MINDY2: variants seen among roughly 807,000 people sequenced by gnomAD.
MINDY2 encodes ubiquitin carboxyl-terminal hydrolase MINDY-2.
Under a neutral mutation model 68.2 loss-of-function variants are expected in MINDY2, and 52 were observed. The observed-to-expected ratio is 0.76, with a 90% CI of 0.61 to 0.96. The LOEUF (loss-of-function observed/expected upper bound fraction) is 0.96, where lower values mean the gene tolerates loss of function less well. Ranked by LOEUF, MINDY2 falls within the 40% of genes least tolerant of loss-of-function variation. The pLI is 0.00. For synonymous variants in MINDY2, 372 were observed against 303.0 expected, an observed-to-expected ratio of 1.23 and a Z score of -2.36; for missense variants, 881 against 773.4, an observed-to-expected ratio of 1.14 and a Z score of -1.65.
chr15:58,802,242 T>A, intron 2 of MINDY2, 71 bp from the exon 3 acceptor site: 2 of 966,180 alleles, frequency 2.1e-6, no homozygotes. Context: ...ATAATTAAGA[T>A]CTATTACTTT....
At chr15:58,809,377 TC>T (rs1266075797) in intron 3 of MINDY2, among the ~76,000 whole-genome samples, 2 of 152,150 alleles carry the variant, frequency 1.3e-5, no homozygotes, top group African/African-American at 4.8e-5. Flanking sequence ...TCCTCAAGGT[TC>T]ATCTGGTTGT....
intron 5 of MINDY2, among the ~76,000 whole-genome samples, chr15:58,826,956 G>A (rs57308436): frequency 0.025 from 3,522 of 143,486 alleles, 111 homozygotes; most frequent in African/African-American, 0.079. Flanking sequence ...CTTTTTTGTC[G>A]TTTATGACAT....
chr15:58,798,217 A>G (rs1902407456), intron 2 of MINDY2, among the ~76,000 whole-genome samples: 1 of 152,030 alleles, frequency 6.6e-6, no homozygotes, highest in South Asian at 2.1e-4. Flanking sequence ...CCAAAGCTCA[A>G]GCAATTCTCC....
intron 3 of MINDY2, 115 bp from the exon 4 acceptor site, chr15:58,810,110 GTTGAA>G (rs1461154568): frequency 4.4e-6 from 4 of 916,660 alleles, no homozygotes; most frequent in Non-Finnish European, 6.6e-6. Flanking sequence ...ATAAAAATAT[GTTGAA>G]TTGAATTTAT....
Position 58,847,396 on chromosome 15 carries a change from G to A in MINDY2, c.1468G>A (p.Asp490Asn). 2 of 1,608,654 alleles carry A rather than the reference G, an allele frequency of 1.2e-6. No individual in the cohort carries two copies. The highest frequency in any genetic ancestry group is 1.7e-6 in the Non-Finnish European group (2 of 1,176,030). Residue 490 changes from aspartate to asparagine, a missense_variant, in exon 7 of 9, where the codon GAC becomes AAC. Transcript: ENST00000559228. ...HNVDGDGNFC[D>N]SEFHLRPPSD... is the part of the protein sequence containing the mutation. ...CGTAGATGGTGATGGAAATTTCTGT[G>A]ACTCAGAATTTCATCTTCGACCTCC... is the stretch of plus-strand genomic sequence containing the variant.
At chr15:58,804,860 G>C (rs1239521269) in intron 3 of MINDY2, among the ~76,000 whole-genome samples, 1 of 151,978 alleles carries the variant, frequency 6.6e-6, no homozygotes, top group African/African-American at 2.4e-5. Context: ...AGTTACAGTG[G>C]TTCACAGCTG....
At chr15:58,797,827 G>T (rs968332404) in intron 2 of MINDY2, among the ~76,000 whole-genome samples, 5 of 152,154 alleles carry the variant, frequency 3.3e-5, no homozygotes, top group Non-Finnish European at 7.4e-5. Context: ...AGATACAGTT[G>T]TGGTGGCAGA....
chr15:58,803,140 G>A (rs1416269323), intron 3 of MINDY2, among the ~76,000 whole-genome samples: 1 of 152,122 alleles, frequency 6.6e-6, no homozygotes, highest in Non-Finnish European at 1.5e-5. Flanking sequence ...TGAATTTAAT[G>A]TTCAGATAAT....
chr15:58,854,804 G>T lies in MINDY2; in HGVS notation c.*194G>T. 2 of 440,582 alleles carry T rather than the reference G, an allele frequency of 4.5e-6. No homozygotes were observed. Among genetic ancestry groups the T allele is most frequent in the East Asian group, 4.3e-5 (1 of 23,478 alleles). 27.3% of individuals were successfully genotyped at this position (440,582 alleles called of 1,614,324 possible). On this transcript the variant is annotated 3_prime_UTR_variant, in exon 9 of 9. Transcript: ENST00000559228. Reference sequence around the variant, plus strand: ...CACAATACACTCTTTATGAGCTGGAGTTTCATGTTACAAGTTGGAAATGCT... The same window carrying T: ...CACAATACACTCTTTATGAGCTGGATTTTCATGTTACAAGTTGGAAATGCT...
intron 4 of MINDY2, chr15:58,815,355 T>C (rs1197111795): frequency 6.6e-6 from 1 of 152,122 alleles, no homozygotes; most frequent in Non-Finnish European, 1.5e-5. Flanking sequence ...TTTGTTTTTG[T>C]TTTTTGTTTT....
intron 2 of MINDY2, among the ~76,000 whole-genome samples, chr15:58,792,404 G>C (rs920854640): frequency 6.6e-6 from 1 of 152,310 alleles, no homozygotes. Context: ...TCAAGAGTTT[G>C]AGACCAGCCT....
At position 58,854,617 on chromosome 15, in the gene MINDY2, T is replaced by C. The variant is rs2032997067; in HGVS notation, c.*7T>C. On this transcript the variant is annotated 3_prime_UTR_variant, in exon 9 of 9. Coordinates refer to ENST00000559228, the MANE Select transcript of MINDY2 (RefSeq NM_001040450.3). ...TAGCTGTGTTATTTTGTAACAAGTG[T>C]TGGCTTCTGTTGGAACCACCTATAT... is the stretch of plus-strand genomic sequence containing the variant. 2 of 1,601,976 alleles carry C rather than the reference T, an allele frequency of 1.2e-6. No homozygotes were observed. The highest frequency in any genetic ancestry group is 1.7e-6 in the Non-Finnish European group (2 of 1,178,812).
chr15:58,855,713 G>A lies in MINDY2; in HGVS notation c.*1103G>A, dbSNP rs1467326823. 2 of 152,360 alleles carry A rather than the reference G, an allele frequency of 1.3e-5. No individual in the cohort carries two copies. Among genetic ancestry groups the A allele is most frequent in the Non-Finnish European group, 2.9e-5 (2 of 68,074 alleles). The allele number at this position is 152,360 out of a possible 1,614,324, so 9.4% of individuals were successfully genotyped here. On this transcript the variant is annotated 3_prime_UTR_variant, in exon 9 of 9. Coordinates refer to ENST00000559228, the MANE Select transcript of MINDY2 (RefSeq NM_001040450.3). Reference sequence around the variant, plus strand: ...AGGTGGGCGGATCATCTGAGGCCAGGAGTTCGAGACCAGCCTGGCCAGCAT... The same window carrying A: ...AGGTGGGCGGATCATCTGAGGCCAGAAGTTCGAGACCAGCCTGGCCAGCAT...
At position 58,861,794 on chromosome 15, in the gene MINDY2, G is replaced by A. The variant is rs1322594196; in HGVS notation, c.*7184G>A. The A allele has an allele frequency of 6.6e-6, 1 of 152,066 alleles. No homozygotes were observed. Among genetic ancestry groups the A allele is most frequent in the Non-Finnish European group, 1.5e-5 (1 of 68,032 alleles). 9.4% of individuals were successfully genotyped at this position (152,066 alleles called of 1,614,324 possible). On this transcript the variant is annotated 3_prime_UTR_variant, in exon 9 of 9. Transcript: ENST00000559228. ...AGTGTCATTGTTGGGTTAAAATGTT[G>A]GCTGTTTTTGTTAATATACTTAAAA... is the stretch of plus-strand genomic sequence containing the variant.
intron 3 of MINDY2, among the ~76,000 whole-genome samples, chr15:58,805,811 C>T (rs1902967302): frequency 6.6e-6 from 1 of 152,188 alleles, no homozygotes; most frequent in South Asian, 2.1e-4. Context: ...CACAGTGGCA[C>T]ATGCCTGTAA....
rs2033027686 is a variant in MINDY2 at position 58,855,432 on chromosome 15, C to G, written c.*822C>G. On this transcript the variant is annotated 3_prime_UTR_variant, in exon 9 of 9. Transcript: ENST00000559228. ...TGTATGGAGGAAAGCACAGTGGATG[C>G]TAGGCTTTGTAAATATGGGGATGTA... The G allele has an allele frequency of 6.6e-6, 1 of 152,558 alleles. No individual in the cohort carries two copies. Among genetic ancestry groups the G allele is most frequent in the Non-Finnish European group, 1.5e-5 (1 of 68,024 alleles). 9.5% of individuals were successfully genotyped at this position (152,558 alleles called of 1,614,324 possible). A position where few individuals can be genotyped will look rare whatever the true frequency, so the allele number is the denominator to read the frequency against.
At chr15:58,779,658 T>G (rs1192341291) in intron 1 of MINDY2, among the ~76,000 whole-genome samples, 2 of 152,194 alleles carry the variant, frequency 1.3e-5, no homozygotes, top group African/African-American at 4.8e-5. Context: ...CTTCACACAA[T>G]TGTGGGGTTT....
intron 5 of MINDY2, among the ~76,000 whole-genome samples, chr15:58,823,640 G>A (rs1271965080): frequency 6.6e-5 from 10 of 151,460 alleles, no homozygotes; most frequent in African/African-American, 2.4e-4. Context: ...ACTCCAGCCT[G>A]GGCAACAGAA....
In MINDY2 at chr15:58,771,682, C is replaced by A; in HGVS notation, c.287C>A (p.Ala96Asp). The change falls in exon 1 of 9, where the codon GCT (alanine) becomes GAT (aspartate). Residue 96 changes from alanine to aspartate, a missense_variant. Physicochemically the swap from Ala to Asp is moderately radical, Grantham distance 126 (BLOSUM62 -2). Coordinates refer to ENST00000559228, the MANE Select transcript of MINDY2 (RefSeq NM_001040450.3). Reference sequence around the variant, plus strand: ...AAGGACAGTGGTTTGGAGAGTCCTGCTGCCGCCGAGGCGCCTCTGAGAGGG... The same window carrying A: ...AAGGACAGTGGTTTGGAGAGTCCTGATGCCGCCGAGGCGCCTCTGAGAGGG... ...DLKDSGLESP[A>D]AAEAPLRGQY... The A allele has an allele frequency of 6.2e-7, 1 of 1,612,512 alleles. No individual in the cohort carries two copies. The highest frequency in any genetic ancestry group is 8.5e-7 in the Non-Finnish European group (1 of 1,179,888).
Sources: allele counts gnomAD v4.1 joint callset (sites outside exome capture counted in the v4.1 genomes callset), GRCh38; gene constraint gnomAD v4.1.1; transcripts MANE v1.5; gene names NCBI Gene and HGNC (gene_info 2026-07-23, HGNC 2026-07-21).